The following PREP variants were observed in gnomAD, a reference collection of about 807,000 sequenced individuals.
PREP encodes the protein dJ355L5.1 (prolyl endopeptidase).
PREP carries 29 observed loss-of-function variants against 87.6 expected under a neutral mutation model. The ratio of observed to expected loss-of-function variants is 0.33; its 90% CI spans 0.25 to 0.45. The LOEUF (loss-of-function observed/expected upper bound fraction) is 0.45, where lower values mean the gene tolerates loss of function less well. Among genes scored for constraint, PREP ranks in the 20% least tolerant of loss-of-function variants. PREP has a pLI of 1.00. For missense variants in PREP, 695 were observed against 886.5 expected (o/e 0.78, Z 2.74); for synonymous variants, 337 against 328.6 (o/e 1.03, Z -0.28).
intron 7 of PREP, among the ~76,000 whole-genome samples, chr6:105,347,937 T>C (rs1771839777): frequency 6.6e-6 from 1 of 152,194 alleles, no homozygotes; most frequent in East Asian, 1.9e-4. Context: ...TAAATAATAT[T>C]GATTAGGAAG....
chr6:105,364,089 G>A (rs562320839), intron 6 of PREP, among the ~76,000 whole-genome samples: 2 of 152,300 alleles, frequency 1.3e-5, no homozygotes, highest in African/African-American at 2.4e-5. Context: ...AGTGGCTACT[G>A]GGAAAACTAA....
chr6:105,381,541 T>A (rs1008596195), intron 2 of PREP, among the ~76,000 whole-genome samples: 1 of 151,970 alleles, frequency 6.6e-6, no homozygotes, highest in South Asian at 2.1e-4. Flanking sequence ...GTTCAAGGAG[T>A]TTCAGTACCC....
In PREP at chr6:105,288,844, A is replaced by G. The variant is rs895651696; in HGVS notation, c.1368T>C (p.His456=). The G allele has an allele frequency of 6.2e-6, 10 of 1,613,840 alleles. No individual in the cohort carries two copies. Among genetic ancestry groups the G allele is most frequent in the Middle Eastern group, 3.3e-4 (2 of 6,062 alleles). ...DGTKIPMFIV[H]KKGIKLDGSH... ...AGCCATCCAATTTTATGCCTTTTTT[A>G]TGCACAATGAACATTGGAATCTTCG... Residue 456 remains histidine (H), a synonymous_variant, in exon 11 of 15, where the codon CAT becomes CAC. Coordinates refer to ENST00000652536, the MANE Select transcript of PREP (RefSeq NM_002726.5).
At chr6:105,325,159 C>T (rs76059928) in intron 9 of PREP, among the ~76,000 whole-genome samples, 4,458 of 152,160 alleles carry the variant, frequency 0.029, 85 homozygotes, top group Middle Eastern at 0.068. Context: ...TTGATCAGTA[C>T]CCGGTGCCCC....
chr6:105,398,725 T>C (rs1158776967), intron 1 of PREP, among the ~76,000 whole-genome samples: 1 of 152,002 alleles, frequency 6.6e-6, no homozygotes, highest in Non-Finnish European at 1.5e-5. Context: ...GTAGAAACAG[T>C]TTTCACCACT....
At chr6:105,363,767 T>G (rs931902498) in intron 6 of PREP, among the ~76,000 whole-genome samples, 4 of 151,908 alleles carry the variant, frequency 2.6e-5, no homozygotes, top group Non-Finnish European at 4.4e-5. Context: ...AGGTCCCTGA[T>G]GAAAAAGGGT....
At chr6:105,312,640 A>G (rs1264732639) in intron 10 of PREP, among the ~76,000 whole-genome samples, 2 of 152,200 alleles carry the variant, frequency 1.3e-5, no homozygotes, top group Non-Finnish European at 2.9e-5. Context: ...GCACACATCC[A>G]TGCTGTATTT....
At chr6:105,388,034 G>A (rs940821147) in intron 2 of PREP, among the ~76,000 whole-genome samples, 1 of 152,174 alleles carries the variant, frequency 6.6e-6, no homozygotes, top group East Asian at 1.9e-4. Flanking sequence ...GGAGAAAAGA[G>A]AGAGAATGAA....
intron 2 of PREP, 73 bp downstream of exon 2, chr6:105,397,780 C>T (rs1773322825): frequency 3.4e-6 from 4 of 1,189,120 alleles, no homozygotes. Flanking sequence ...AAAGGAAAAG[C>T]TATAGTTACT....
At chr6:105,287,492 C>T (rs887593810) in intron 11 of PREP, among the ~76,000 whole-genome samples, 8 of 152,164 alleles carry the variant, frequency 5.3e-5, no homozygotes, top group Non-Finnish European at 1.2e-4. Flanking sequence ...AACTCTTCTG[C>T]CAGATATTCG....
intron 6 of PREP, among the ~76,000 whole-genome samples, chr6:105,354,566 T>A (rs1259670304): frequency 6.6e-6 from 1 of 151,980 alleles, no homozygotes; most frequent in Non-Finnish European, 1.5e-5. Context: ...ATGAGCAGAC[T>A]TAGAGTAAAG....
At chr6:105,380,151 T>A (rs140372790) in intron 2 of PREP, among the ~76,000 whole-genome samples, 196 of 152,304 alleles carry the variant, frequency 1.3e-3, no homozygotes, top group African/African-American at 4.5e-3. Flanking sequence ...GGGCACCTAA[T>A]TAAGCAGGGT....
At chr6:105,357,663 T>C (rs2114689786) in intron 6 of PREP, among the ~76,000 whole-genome samples, 1 of 152,292 alleles carries the variant, frequency 6.6e-6, no homozygotes, top group Non-Finnish European at 1.5e-5. Flanking sequence ...TTCTTCCACT[T>C]AAATTTAAAC....
intron 2 of PREP, among the ~76,000 whole-genome samples, chr6:105,391,095 G>A (rs1377877683): frequency 6.7e-6 from 1 of 150,318 alleles, no homozygotes; most frequent in East Asian, 2.0e-4. Flanking sequence ...CAAAGGCCGG[G>A]TGCGGTGGCT....
At chr6:105,378,621 A>G (rs1455817708) in intron 2 of PREP, among the ~76,000 whole-genome samples, 1 of 152,260 alleles carries the variant, frequency 6.6e-6, no homozygotes, top group Admixed American at 6.5e-5. Flanking sequence ...AGCACACCCT[A>G]TTTGTAACTA....
intron 5 of PREP, among the ~76,000 whole-genome samples, chr6:105,371,553 T>C (rs1772548742): frequency 6.9e-6 from 1 of 145,410 alleles, no homozygotes; most frequent in Non-Finnish European, 1.5e-5. Context: ...AATATCAAAC[T>C]GAAAGTAATT....
intron 7 of PREP, among the ~76,000 whole-genome samples, chr6:105,349,998 C>T (rs1771905450): frequency 6.6e-6 from 1 of 151,280 alleles, no homozygotes; most frequent in South Asian, 2.1e-4. Context: ...TACCAACCTG[C>T]ACAATTAGAC....
chr6:105,274,533 AGGTG>A lies in PREP; in HGVS notation c.*3607_*3610del, dbSNP rs1320766204. On this transcript the variant is annotated 3_prime_UTR_variant, in exon 15 of 15. Coordinates refer to ENST00000652536, the MANE Select transcript of PREP (RefSeq NM_002726.5). ...GTAATCCCAGCATTTTGGGAGGCTG[AGGTG>A]GGTGGATCACCTGAGGTCAGGAGTT... Among the ~76,000 whole-genome samples, 4 of 152,286 alleles carry A rather than the reference AGGTG, an allele frequency of 2.6e-5. No individual in the cohort carries two copies. The highest frequency in any genetic ancestry group is 2.1e-4 in the South Asian group (1 of 4,822).
chr6:105,375,405 A>T (rs567284352), intron 4 of PREP, among the ~76,000 whole-genome samples: 1 of 152,366 alleles, frequency 6.6e-6, no homozygotes, highest in South Asian at 2.1e-4. Flanking sequence ...ATCATTGTAG[A>T]GTTTACAATT....
Sources: gnomAD v4.1 joint callset for allele counts (sites outside exome capture counted in the v4.1 genomes callset) on GRCh38, gnomAD v4.1.1 for gene constraint, MANE v1.5 for transcripts, NCBI Gene and HGNC (gene_info 2026-07-23, HGNC 2026-07-21) for gene names.